The following PRKN variants were observed in gnomAD, a reference collection of about 807,000 sequenced individuals.
PRKN encodes parkin RBR E3 ubiquitin protein ligase.
PRKN carries 56 observed loss-of-function variants against 59.5 expected under a neutral mutation model. The ratio of observed to expected loss-of-function variants is 0.94; its 90% confidence interval spans 0.76 to 1.18. The LOEUF (loss-of-function observed/expected upper bound fraction) is 1.18, where lower values mean the gene tolerates loss of function less well. Ranked by LOEUF, PRKN falls within the 50% of genes most tolerant of loss-of-function variation. The pLI is 0.00. For synonymous variants in PRKN, 250 were observed against 222.1 expected (o/e 1.13, Z -1.12); for missense variants, 657 against 596.4 (o/e 1.10, Z -1.06).
Position 161,498,568 on chromosome 6 carries a change from T to G in PRKN, c.1083+50286A>C, listed in dbSNP as rs1562487808. On this transcript the variant is annotated intron_variant, in intron 9 of 11. Transcript: ENST00000366898. This position sits in a 1 kb window ranked among gnomAD's most constrained non-coding sequence, Gnocchi z 4.2. ...ATGAAATGTGGGTGGCAATGACATG[T>G]GTAACTTGAGGCCAGAGCCTTTAAT... Among the ~76,000 whole-genome samples the G allele has an allele frequency of 6.6e-6, 1 of 152,170 alleles. No homozygotes were observed. Among genetic ancestry groups the G allele is most frequent in the Non-Finnish European group, 1.5e-5 (1 of 68,044 alleles).
At chr6:161,669,169 C>G (rs1452221470) in intron 7 of PRKN, among the ~76,000 whole-genome samples, 1 of 152,194 alleles carries the variant, frequency 6.6e-6, no homozygotes, top group East Asian at 1.9e-4. Flanking sequence ...GAAGTGGGCC[C>G]TCATCCTACA....
chr6:162,356,946 C>T (rs1413330467), intron 2 of PRKN, among the ~76,000 whole-genome samples: 1 of 151,956 alleles, frequency 6.6e-6, no homozygotes, highest in Non-Finnish European at 1.5e-5. Flanking sequence ...TAAATCATTA[C>T]AGTTTACATC....
At chr6:161,954,603 CT>C (rs1780104537) in intron 6 of PRKN, among the ~76,000 whole-genome samples, 2 of 152,184 alleles carry the variant, frequency 1.3e-5, no homozygotes, top group Admixed American at 1.3e-4. Flanking sequence ...TATTAAGGAA[CT>C]GCAAACTTGT....
At chr6:161,729,832 G>T (rs1361683293) in intron 7 of PRKN, among the ~76,000 whole-genome samples, 1 of 150,366 alleles carries the variant, frequency 6.7e-6, no homozygotes, top group African/African-American at 2.5e-5. Flanking sequence ...CTGACATGTT[G>T]CATTCTTTCT....
At chr6:162,425,417 C>T (rs1212798453) in intron 2 of PRKN, among the ~76,000 whole-genome samples, 1 of 152,060 alleles carries the variant, frequency 6.6e-6, no homozygotes, top group Non-Finnish European at 1.5e-5. Flanking sequence ...GATTAGTTAC[C>T]TAAGAACCAC....
intron 8 of PRKN, among the ~76,000 whole-genome samples, chr6:161,563,651 G>T (rs966351647): frequency 4.6e-5 from 7 of 152,108 alleles, no homozygotes; most frequent in African/African-American, 1.4e-4. Context: ...TTTTGGGAAG[G>T]CAGTGATACA....
intron 6 of PRKN, among the ~76,000 whole-genome samples, chr6:161,868,580 C>G (rs1326073364): frequency 6.6e-6 from 1 of 151,742 alleles, no homozygotes; most frequent in African/African-American, 2.4e-5. Flanking sequence ...GACTCTGTCT[C>G]TAAAACAAAA....
intron 2 of PRKN, among the ~76,000 whole-genome samples, chr6:162,435,265 G>A (rs1029478985): frequency 2.0e-5 from 3 of 152,074 alleles, no homozygotes; most frequent in African/African-American, 7.2e-5. Context: ...TAATCACAAT[G>A]GAAACATCTA....
intron 3 of PRKN, among the ~76,000 whole-genome samples, chr6:162,203,653 G>A (rs1784825085): frequency 1.3e-5 from 2 of 152,118 alleles, no homozygotes. Flanking sequence ...TCTTGAATAT[G>A]GAGTCATAAC....
chr6:161,903,148 G>A (rs73785467), intron 6 of PRKN, among the ~76,000 whole-genome samples: 15 of 152,206 alleles, frequency 9.9e-5, no homozygotes, highest in African/African-American at 3.6e-4. Context: ...ATTTAGAGGA[G>A]TCTTTCCAAA....
In PRKN at chr6:161,870,441, T is replaced by C. The variant is rs369039418; in HGVS notation, c.735-84533A>G. Among the ~76,000 whole-genome samples the C allele has an allele frequency of 3.3e-5, 5 of 152,344 alleles. No individual in the cohort carries two copies. In the East Asian group the frequency reaches 7.7e-4, roughly 24 times the overall value. ...CAGAACAAAGCTAGCTGAATCTTGC[T>C]GTCTCCCACATTCTCAAATCAAACA... On this transcript the variant is annotated intron_variant, in intron 6 of 11. Transcript: ENST00000366898.
intron 6 of PRKN, among the ~76,000 whole-genome samples, chr6:161,899,106 C>T (rs1422711563): frequency 1.3e-5 from 2 of 152,216 alleles, no homozygotes; most frequent in Non-Finnish European, 2.9e-5. Context: ...ATCCTCCACC[C>T]CGCAGCTATG....
At chr6:162,693,050 G>A (rs545361315) in intron 1 of PRKN, among the ~76,000 whole-genome samples, 1 of 152,278 alleles carries the variant, frequency 6.6e-6, no homozygotes, top group Admixed American at 6.5e-5. Context: ...ATAATTTGCT[G>A]TAGAATGTAA....
chr6:162,089,816 A>T (rs1476859313), intron 4 of PRKN, among the ~76,000 whole-genome samples: 1 of 152,222 alleles, frequency 6.6e-6, no homozygotes, highest in African/African-American at 2.4e-5. Context: ...CATTTAAATA[A>T]ATCTCCCAAT....
rs1047422973 is a variant in PRKN at position 161,746,322 on chromosome 6, C to G, written c.871+39450G>C. ...AATTGAGTAAGACTTCCCAGAGACC[C>G]AGCTGTGGGGGACTATCCGCAGATG... On this transcript the variant is annotated intron_variant, in intron 7 of 11. Transcript: ENST00000366898. Among the ~76,000 whole-genome samples, 4 of 151,840 alleles carry G rather than the reference C, an allele frequency of 2.6e-5. 1 individual carries two copies. Among genetic ancestry groups the G allele is most frequent in the African/African-American group, 7.3e-5 (3 of 41,312 alleles).
At chr6:161,707,302 G>A (rs1164690520) in intron 7 of PRKN, among the ~76,000 whole-genome samples, 3 of 152,152 alleles carry the variant, frequency 2.0e-5, no homozygotes, top group African/African-American at 4.8e-5. Flanking sequence ...TTAATTCTGA[G>A]TAGGTCGTTG....
chr6:162,212,211 ATGTC>A (rs1045739690), intron 3 of PRKN, among the ~76,000 whole-genome samples: 4 of 152,064 alleles, frequency 2.6e-5, no homozygotes, highest in African/African-American at 9.7e-5. Flanking sequence ...TTCAAGTTGA[ATGTC>A]TGTAGCAGGC....
rs543123156 is a variant in PRKN, at chr6:162,610,740, G to C, written c.7+116922C>G. ...TCTAGATTAGCAATATTTCATGTTA[G>C]CATTTTTATTTCTAAAAGAACAAGG... On this transcript the variant is annotated intron_variant, in intron 1 of 11. Coordinates refer to ENST00000366898, the MANE Select transcript of PRKN (RefSeq NM_004562.3). 3.3e-5 allele frequency among the ~76,000 whole-genome samples: 5 copies of C among 152,112 alleles called. No individual in the cohort carries two copies. The South Asian group carries it at 8.3e-4, about 25-fold the overall frequency.
At chr6:161,674,097 T>TG (rs1785004595) in intron 7 of PRKN, among the ~76,000 whole-genome samples, 1 of 151,862 alleles carries the variant, frequency 6.6e-6, no homozygotes, top group African/African-American at 2.4e-5. Flanking sequence ...GAATACAGAC[T>TG]GGGAAAAAAG....
Sources: gnomAD v4.1 joint callset for allele counts (sites outside exome capture counted in the v4.1 genomes callset) on GRCh38, gnomAD v4.1.1 for gene constraint, Gnocchi (gnomAD v3.1) non-coding constraint, MANE v1.5 for transcripts, NCBI Gene and HGNC (gene_info 2026-07-23, HGNC 2026-07-21) for gene names.